SMC2: variants seen among roughly 807,000 people sequenced by gnomAD.
SMC2 encodes structural maintenance of chromosomes 2, also known as structural maintenance of chromosomes protein 2.
Under a neutral mutation model 142.6 loss-of-function variants are expected in SMC2, and 41 were observed. That is an observed-to-expected ratio of 0.29 (90% confidence interval 0.22 to 0.37). The LOEUF (loss-of-function observed/expected upper bound fraction) is 0.37. Among genes scored for constraint, SMC2 ranks in the 10% least tolerant of loss-of-function variants. The pLI is 1.00. For missense variants in SMC2, 1,265 were observed against 1,373.7 expected (o/e 0.92, Z 1.25); for synonymous variants, 463 against 457.5 (o/e 1.01, Z -0.15).
intron 13 of SMC2, among the ~76,000 whole-genome samples, chr9:104,115,778 T>C (rs1415045513): frequency 2.0e-5 from 3 of 152,150 alleles, no homozygotes; most frequent in Non-Finnish European, 2.9e-5. Context: ...TGCTATACAT[T>C]ACATCTCTGA....
chr9:104,094,060 G>C (rs1830176910), upstream of SMC2, among the ~76,000 whole-genome samples: 1 of 152,184 alleles, frequency 6.6e-6, no homozygotes, highest in South Asian at 2.1e-4. Flanking sequence ...CGAGGACCCG[G>C]GGCCGAGGTG....
Position 104,098,508 on chromosome 9 carries a change from A to T in SMC2, c.381A>T (p.Val127=), listed in dbSNP as rs780819035. 1.2e-6 allele frequency: 2 copies of T among 1,602,120 alleles called. No homozygotes were observed. The highest frequency in any genetic ancestry group is 4.5e-5 in the East Asian group (2 of 44,090). Residue 127 remains valine (V), a synonymous_variant, in exon 4 of 25, where the codon GTA becomes GTT. Coordinates refer to ENST00000374793, the MANE Select transcript of SMC2 (RefSeq NM_006444.3). ...INGVNANNTR[V]QDLFCSVGLN... ...GAGTCAATGCCAACAACACCAGAGTACAGGATCTCTTCTGTTCTGTTGGCC... is the reference window on the plus strand; with the variant it reads ...GAGTCAATGCCAACAACACCAGAGTTCAGGATCTCTTCTGTTCTGTTGGCC...
chr9:104,097,670 C>G (rs1408465648), intron 3 of SMC2, among the ~76,000 whole-genome samples: 1 of 152,104 alleles, frequency 6.6e-6, no homozygotes. Flanking sequence ...AAACTTGTAT[C>G]TTCACCAAAA....
chr9:104,109,169 TAAAAAGTGTAA>T (rs1311126717), intron 9 of SMC2, among the ~76,000 whole-genome samples: 1 of 152,212 alleles, frequency 6.6e-6, no homozygotes, highest in African/African-American at 2.4e-5. Context: ...GGATGAGTTT[TAAAAAGTGTAA>T]AACTTAACAT....
chr9:104,125,074 C>T lies in SMC2; in HGVS notation c.2420C>T (p.Ala807Val). The T allele has an allele frequency of 6.3e-7, 1 of 1,579,452 alleles. No homozygotes were observed. Among genetic ancestry groups the T allele is most frequent in the Non-Finnish European group, 8.5e-7 (1 of 1,171,136 alleles). ...KLDCAKTKAD[A>V]SSKKMKEKQQ... The stretch of plus-strand genomic sequence containing the variant: ...GATTGTGCCAAAACAAAGGCAGATG[C>T]ATCTAGCAAGAAGATGAAAGAAAAA... The change falls in exon 18 of 25, where the codon GCA (alanine) becomes GTA (valine). Residue 807 changes from alanine to valine, a missense_variant. By Grantham distance (64) the Ala-to-Val change is moderately conservative. Coordinates refer to ENST00000374793, the MANE Select transcript of SMC2 (RefSeq NM_006444.3).
intron 8 of SMC2, 87 bp downstream of exon 8, chr9:104,102,280 A>G (rs528132329): frequency 1.0e-4 from 108 of 1,077,460 alleles, no homozygotes; most frequent in Admixed American, 1.6e-4. Flanking sequence ...TTCATTGGGC[A>G]TTGTCTTCCG....
At position 104,113,421 on chromosome 9, in the gene SMC2, G is replaced by T. The variant is rs764293352; in HGVS notation, c.1360G>T (p.Val454Leu). 1.2e-6 allele frequency: 2 copies of T among 1,606,816 alleles called. No homozygotes were observed. Among genetic ancestry groups the T allele is most frequent in the African/African-American group, 1.3e-5 (1 of 74,416 alleles). Residue 454 changes from valine (V) to leucine (L), a missense_variant, in exon 11 of 25, where the codon GTA becomes TTA. Val to Leu is a conservative substitution (Grantham distance 32, BLOSUM62 1). Coordinates refer to ENST00000374793, the MANE Select transcript of SMC2 (RefSeq NM_006444.3). Reference sequence around the variant, plus strand: ...GAAGGATCAAGAAGCTCTAGAAGCTGTAAAAAGACTTAAAGAAAAACTTGA... The same window carrying T: ...GAAGGATCAAGAAGCTCTAGAAGCTTTAAAAAGACTTAAAGAAAAACTTGA... Reference protein sequence around the residue: ...YRKDQEALEAVKRLKEKLEAE... With the variant: ...YRKDQEALEALKRLKEKLEAE...
intron 7 of SMC2, 96 bp downstream of exon 7, chr9:104,100,529 G>C (rs957210256): frequency 1.2e-6 from 1 of 805,422 alleles, no homozygotes; most frequent in South Asian, 1.7e-5. Context: ...TTTCTTGGGG[G>C]TTTTTTTCCT....
the SMC2 span, among the ~76,000 whole-genome samples, chr9:104,088,391 G>T: frequency 1.3e-5 from 2 of 152,020 alleles, no homozygotes; most frequent in South Asian, 4.2e-4. Flanking sequence ...GTATCACAAA[G>T]GTATGTCACA....
At chr9:104,104,614 C>A (rs1831538523) in intron 9 of SMC2, among the ~76,000 whole-genome samples, 1 of 152,184 alleles carries the variant, frequency 6.6e-6, no homozygotes, top group African/African-American at 2.4e-5. Flanking sequence ...TCAGCACATT[C>A]TACAGTTATT....
chr9:104,098,413 C>A, intron 3 of SMC2, 33 bp from the exon 4 acceptor site: 1 of 1,537,080 alleles, frequency 6.5e-7, no homozygotes, highest in South Asian at 1.2e-5. Flanking sequence ...TGTGCATGTA[C>A]ATTAATATTT....
chr9:104,103,334 G>A (rs895099658), intron 9 of SMC2, among the ~76,000 whole-genome samples: 1 of 152,144 alleles, frequency 6.6e-6, no homozygotes, highest in African/African-American at 2.4e-5. Flanking sequence ...AAAGAAAAGT[G>A]AATATAGATA....
chr9:104,116,243 G>T lies in SMC2; in HGVS notation c.1715G>T (p.Arg572Leu). The T allele has an allele frequency of 6.2e-7, 1 of 1,607,548 alleles. No homozygotes were observed. The highest frequency in any genetic ancestry group is 1.7e-5 in the Admixed American group (1 of 58,676). Residue 572 changes from arginine to leucine, a missense_variant, in exon 14 of 25, where the codon CGA (arginine) becomes CTA (leucine). Arg to Leu is a moderately radical substitution (Grantham distance 102). This residue lies in a region of SMC2 where 898 missense variants were observed against 904.2 expected (regional missense o/e 0.99). Transcript: ENST00000374793. ...KLLERGELKR[R>L]YTIIPLNKIS... ...CTAGAAAGGGGGGAACTGAAACGTC[G>T]ATACACTATAATTCCACTCAATAAA...
At position 104,125,067 on chromosome 9, in the gene SMC2, G is replaced by A. The variant is rs1186006686; in HGVS notation, c.2413G>A (p.Ala805Thr). Residue 805 changes from alanine (A) to threonine (T), a missense_variant, in exon 18 of 25, where the codon GCA (alanine) becomes ACA (threonine). This residue lies in a region of SMC2 where 898 missense variants were observed against 904.2 expected (regional missense o/e 0.99). Coordinates refer to ENST00000374793, the MANE Select transcript of SMC2 (RefSeq NM_006444.3). Reference sequence around the variant, plus strand: ...AAAACTGGATTGTGCCAAAACAAAGGCAGATGCATCTAGCAAGAAGATGAA... The same window carrying A: ...AAAACTGGATTGTGCCAAAACAAAGACAGATGCATCTAGCAAGAAGATGAA... ...QKKLDCAKTK[A>T]DASSKKMKEK... 6 of 1,588,244 alleles carry A rather than the reference G, an allele frequency of 3.8e-6. No individual in the cohort carries two copies. Among genetic ancestry groups the A allele is most frequent in the Admixed American group, 2.0e-5 (1 of 51,264 alleles).
At chr9:104,103,639 T>C (rs1006418375) in intron 9 of SMC2, among the ~76,000 whole-genome samples, 8 of 152,194 alleles carry the variant, frequency 5.3e-5, no homozygotes, top group Admixed American at 5.2e-4. Context: ...TAGTCTCACA[T>C]GTAGGTAGAT....
chr9:104,133,833 G>A (rs947871763), intron 22 of SMC2, among the ~76,000 whole-genome samples: 10 of 152,250 alleles, frequency 6.6e-5, no homozygotes, highest in East Asian at 1.9e-4. Context: ...GATGAGGCAT[G>A]TAGAAAAGAA....
intron 1 of SMC2, chr9:104,094,704 CA>C (rs1830256174): frequency 8.7e-6 from 3 of 343,578 alleles, no homozygotes; most frequent in African/African-American, 4.2e-5. Flanking sequence ...TGAGTAAAAG[CA>C]AGAAGTTGGA....
In SMC2 at chr9:104,124,995, A is replaced by G; in HGVS notation, c.2341A>G (p.Lys781Glu). 5 of 1,604,992 alleles carry G rather than the reference A, an allele frequency of 3.1e-6. No homozygotes were observed. Among genetic ancestry groups the G allele is most frequent in the Non-Finnish European group, 4.2e-6 (5 of 1,177,824 alleles). The change falls in exon 18 of 25, where the codon AAA becomes GAA. Residue 781 changes from lysine (K) to glutamate (E), a missense_variant. This residue lies in a region of SMC2 where 898 missense variants were observed against 904.2 expected (regional missense o/e 0.99). Transcript: ENST00000374793. ...EKYEVLENKM[K>E]NAEAEREREL... ...ATATGAAGTATTGGAAAATAAAATG[A>G]AAAATGCAGAAGCTGAAAGAGAGCG...
chr9:104,095,351 G>C lies in SMC2; in HGVS notation c.-34G>C. On this transcript the variant is annotated 5_prime_UTR_variant, in exon 2 of 25. Coordinates refer to ENST00000374793, the MANE Select transcript of SMC2 (RefSeq NM_006444.3). ...CTGGTTTGTGGCCTGTTTGATTCCTGTCAGAGGTTTGCTGACCCAAGACAG... is the reference window on the plus strand; with the variant it reads ...CTGGTTTGTGGCCTGTTTGATTCCTCTCAGAGGTTTGCTGACCCAAGACAG... 6.3e-7 allele frequency: 1 copy of C among 1,591,092 alleles called. No homozygotes were observed. The highest frequency in any genetic ancestry group is 8.6e-7 in the Non-Finnish European group (1 of 1,164,244).
Sources: gnomAD v4.1 joint callset for allele counts (sites outside exome capture counted in the v4.1 genomes callset) on GRCh38, gnomAD v4.1.1 for gene constraint, gnomAD v4.1.1 regional missense constraint, MANE v1.5 for transcripts, NCBI Gene and HGNC (gene_info 2026-07-23, HGNC 2026-07-21) for gene names.